SGCZ: variants seen among roughly 807,000 people sequenced by gnomAD.
SGCZ encodes the protein zeta-sarcoglycan.
A neutral mutation model predicts 41.3 loss-of-function variants in SGCZ; 40 were observed. That is an observed-to-expected ratio of 0.97 (90% CI 0.75 to 1.26). The LOEUF is 1.26. SGCZ is among the 50% of genes most tolerant of loss of function. SGCZ has a pLI of 0.00. For synonymous variants in SGCZ, 206 were observed against 137.5 expected (o/e 1.50, Z -3.49); for missense variants, 552 against 369.8 (o/e 1.49, Z -4.04).
At chr8:14,233,394 A>C (rs1319811324) in intron 4 of SGCZ, among the ~76,000 whole-genome samples, 1 of 151,578 alleles carries the variant, frequency 6.6e-6, no homozygotes. Context: ...GTAGTTTAAA[A>C]ATAGTATGTT....
chr8:14,420,144 T>C (rs975702472), intron 2 of SGCZ, among the ~76,000 whole-genome samples: 1 of 152,100 alleles, frequency 6.6e-6, no homozygotes, highest in African/African-American at 2.4e-5. Flanking sequence ...TTATGATTCT[T>C]GTCCTATAAT....
chr8:14,592,739 A>G, intron 1 of SGCZ, among the ~76,000 whole-genome samples: 1 of 152,296 alleles, frequency 6.6e-6, no homozygotes, highest in South Asian at 2.1e-4. Context: ...CATCTAACTA[A>G]ATTTTACTGA....
In SGCZ at chr8:15,142,554, TG is replaced by T. The variant is rs558970918; in HGVS notation, c.39+95030del. Among the ~76,000 whole-genome samples, 3 of 152,162 alleles carry T rather than the reference TG, an allele frequency of 2.0e-5. No individual in the cohort carries two copies. In the South Asian group the frequency reaches 6.2e-4, roughly 32 times the overall value. Reference sequence around the variant, plus strand: ...GACTCACAGAGCACACTACTAACCCTGGGCAAGAGACATCATGTAAATCACC... The same window carrying T: ...GACTCACAGAGCACACTACTAACCCTGGCAAGAGACATCATGTAAATCACC... On this transcript the variant is annotated intron_variant, in intron 1 of 7. Coordinates refer to ENST00000382080, the MANE Select transcript of SGCZ (RefSeq NM_139167.4).
At chr8:14,122,451 A>G (rs112941727) in intron 5 of SGCZ, among the ~76,000 whole-genome samples, 4 of 152,212 alleles carry the variant, frequency 2.6e-5, no homozygotes, top group African/African-American at 9.7e-5. Context: ...TTATGTGCAC[A>G]GAGATGTAGC....
In SGCZ at chr8:14,472,243, A is replaced by C. The variant is rs561135764; in HGVS notation, c.234+82489T>G. 4.6e-5 allele frequency among the ~76,000 whole-genome samples: 7 copies of C among 152,068 alleles called. No homozygotes were observed. In the South Asian group the frequency reaches 1.2e-3, roughly 27 times the overall value. Reference sequence around the variant, plus strand: ...CTTTTTGAAATGATGGAAAAACATGAATCTTGTTTAATATCTTTATTTAAA... The same window carrying C: ...CTTTTTGAAATGATGGAAAAACATGCATCTTGTTTAATATCTTTATTTAAA... On this transcript the variant is annotated intron_variant, in intron 2 of 7. Transcript: ENST00000382080.
intron 4 of SGCZ, among the ~76,000 whole-genome samples, chr8:14,169,668 T>C (rs549311833): frequency 3.9e-5 from 6 of 152,314 alleles, no homozygotes; most frequent in South Asian, 4.1e-4. Context: ...TCGCTAGTAA[T>C]TGTCCAGTTC....
intron 1 of SGCZ, among the ~76,000 whole-genome samples, chr8:14,763,836 G>T (rs1799959688): frequency 6.6e-6 from 1 of 152,166 alleles, no homozygotes; most frequent in African/African-American, 2.4e-5. Flanking sequence ...TATTATAAGT[G>T]AATAAGGACA....
At chr8:15,052,605 T>C (rs1804554488) in intron 1 of SGCZ, among the ~76,000 whole-genome samples, 1 of 152,094 alleles carries the variant, frequency 6.6e-6, no homozygotes, top group Non-Finnish European at 1.5e-5. Flanking sequence ...CCTCGTCATG[T>C]GGAGATGTTC....
intron 2 of SGCZ, among the ~76,000 whole-genome samples, chr8:14,481,262 C>T (rs1013176861): frequency 6.6e-6 from 1 of 151,950 alleles, no homozygotes; most frequent in South Asian, 2.1e-4. Context: ...TTACACTAGC[C>T]AGTGTGAAGA....
intron 3 of SGCZ, among the ~76,000 whole-genome samples, chr8:14,265,873 G>T (rs1446395612): frequency 4.0e-5 from 6 of 151,692 alleles, no homozygotes; most frequent in Non-Finnish European, 8.8e-5. Flanking sequence ...TAGCAGAACT[G>T]ATCAAGCAGA....
At chr8:15,140,651 T>C (rs1010233473) in intron 1 of SGCZ, among the ~76,000 whole-genome samples, 25 of 152,320 alleles carry the variant, frequency 1.6e-4, no homozygotes, top group African/African-American at 5.5e-4. Flanking sequence ...TTATATTTAC[T>C]TTTTTGTGTA....
intron 2 of SGCZ, among the ~76,000 whole-genome samples, chr8:14,493,251 T>C (rs1801893658): frequency 6.6e-6 from 1 of 151,586 alleles, no homozygotes; most frequent in Admixed American, 6.6e-5. Flanking sequence ...GACATGAACC[T>C]CCTCAATCTG....
chr8:15,038,653 G>A lies in SGCZ; in HGVS notation c.39+198932C>T, dbSNP rs557725206. Among the ~76,000 whole-genome samples the A allele has an allele frequency of 5.9e-5, 9 of 151,812 alleles. No homozygotes were observed. The South Asian group carries it at 1.5e-3, about 25-fold the overall frequency. On this transcript the variant is annotated intron_variant, in intron 1 of 7. Coordinates refer to ENST00000382080, the MANE Select transcript of SGCZ (RefSeq NM_139167.4). ...GCTTCTGCACAGCCAAGTAGACAAC[G>A]AACACAGTGATAAGACAACCCAGAG...
intron 4 of SGCZ, among the ~76,000 whole-genome samples, chr8:14,216,734 T>TAAA (rs143589285): frequency 9.2e-5 from 14 of 151,574 alleles, no homozygotes; most frequent in South Asian, 4.2e-4. Context: ...GAAGAAATCT[T>TAAA]AAAAAAAACA....
At chr8:14,265,011 G>A (rs2117245786) in intron 3 of SGCZ, among the ~76,000 whole-genome samples, 1 of 152,166 alleles carries the variant, frequency 6.6e-6, no homozygotes, top group East Asian at 1.9e-4. Context: ...AAACACGCCA[G>A]ATGGCAAACA....
intron 2 of SGCZ, among the ~76,000 whole-genome samples, chr8:14,352,659 A>C (rs1245407785): frequency 6.6e-6 from 1 of 152,106 alleles, no homozygotes; most frequent in Non-Finnish European, 1.5e-5. Context: ...TCCCAAAGAC[A>C]AATGGATCAA....
intron 1 of SGCZ, among the ~76,000 whole-genome samples, chr8:14,666,493 G>T (rs982537560): frequency 6.6e-6 from 1 of 152,120 alleles, no homozygotes; most frequent in Non-Finnish European, 1.5e-5. Flanking sequence ...ACAAACAGCA[G>T]GTTGAAGCCT....
rs549351499 is a variant in SGCZ, at chr8:14,989,571, A to AGAAGAGGCCTCAGG, written c.39+248000_39+248013dup. 4.9e-3 allele frequency among the ~76,000 whole-genome samples: 753 copies of AGAAGAGGCCTCAGG among 152,270 alleles called. 6 individuals are homozygous for AGAAGAGGCCTCAGG. Among genetic ancestry groups the AGAAGAGGCCTCAGG allele is most frequent in the Non-Finnish European group, 8.6e-3 (587 of 68,020 alleles). ...GGTGGGTAAGCAACGTGCTCAGAGC[A>AGAAGAGGCCTCAGG]GAAGAGGCCTCAGGGATTCTTTCCT... On this transcript the variant is annotated intron_variant, in intron 1 of 7. Coordinates refer to ENST00000382080, the MANE Select transcript of SGCZ (RefSeq NM_139167.4).
intron 1 of SGCZ, among the ~76,000 whole-genome samples, chr8:14,559,587 A>C (rs941754761): frequency 1.3e-5 from 2 of 152,010 alleles, no homozygotes; most frequent in Admixed American, 1.3e-4. Flanking sequence ...AATGTTGAGA[A>C]ATTTTTATAA....
Sources: allele counts gnomAD v4.1 joint callset (sites outside exome capture counted in the v4.1 genomes callset), GRCh38; gene constraint gnomAD v4.1.1; transcripts MANE v1.5; gene names NCBI Gene and HGNC (gene_info 2026-07-23, HGNC 2026-07-21).